The following EXOC5 variants were observed in gnomAD, a reference collection of about 807,000 sequenced individuals.
EXOC5 encodes the protein exocyst complex component 5.
EXOC5 carries 17 observed loss-of-function variants against 90.8 expected under a neutral mutation model. The ratio of observed to expected loss-of-function variants is 0.19; its 90% CI spans 0.13 to 0.28. The LOEUF (loss-of-function observed/expected upper bound fraction) is 0.28, where lower values mean the gene tolerates loss of function less well. EXOC5 is among the 10% of genes least tolerant of loss of function. The pLI, the probability that EXOC5 is intolerant of heterozygous loss-of-function variation, is 1.00. For missense variants in EXOC5, 569 were observed against 830.6 expected, an observed-to-expected ratio of 0.69 and a Z score of 3.87; for synonymous variants, 260 against 270.0, an observed-to-expected ratio of 0.96 and a Z score of 0.36.
At chr14:57,222,866 G>A (rs1371921580) in intron 12 of EXOC5, among the ~76,000 whole-genome samples, 1 of 151,652 alleles carries the variant, frequency 6.6e-6, no homozygotes, top group Non-Finnish European at 1.5e-5. Context: ...GGCCAAAGAG[G>A]TTTGAGAGCC....
chr14:57,264,452 T>C (rs752816307), intron 1 of EXOC5, among the ~76,000 whole-genome samples: 2 of 152,156 alleles, frequency 1.3e-5, no homozygotes, highest in African/African-American at 2.4e-5. Flanking sequence ...ATTGCTATCA[T>C]AGCCAAATTA....
chr14:57,232,379 T>TTA (rs1188945298), intron 10 of EXOC5: 4 of 201,726 alleles, frequency 2.0e-5, no homozygotes, highest in Non-Finnish European at 3.9e-5. Context: ...TTTGTTAAGA[T>TTA]TACATCACTT....
intron 3 of EXOC5, among the ~76,000 whole-genome samples, chr14:57,245,901 T>C (rs1430657136): frequency 1.3e-5 from 2 of 151,830 alleles, no homozygotes; most frequent in African/African-American, 4.8e-5. Flanking sequence ...TACAAAAAAA[T>C]TAGCTGGGTG....
Position 57,231,523 on chromosome 14 carries a change from T to C in EXOC5, c.1131A>G (p.Arg377=). 1 of 1,609,578 alleles carries C rather than the reference T, an allele frequency of 6.2e-7. No homozygotes were observed. Among genetic ancestry groups the C allele is most frequent in the Non-Finnish European group, 8.5e-7 (1 of 1,178,884 alleles). The change falls in exon 11 of 18, where the codon AGA becomes AGG. Residue 377 remains arginine, a synonymous_variant. Coordinates refer to ENST00000621441, the MANE Select transcript of EXOC5 (RefSeq NM_006544.4). ...RYYDSKNHQK[R]SIGTGGIQDL... ...ATACTCACCCTCCTGTGCCAATGGA[T>C]CTCTTTTGATGGTTTTTCGAATCAT...
At chr14:57,209,914 T>G (rs1240170095) in intron 16 of EXOC5, 39 bp downstream of exon 16, 1 of 1,243,012 alleles carries the variant, frequency 8.0e-7, no homozygotes. Context: ...CCAATGAAAA[T>G]GTTAACAAAG....
At chr14:57,253,452 G>A (rs988146713) in intron 1 of EXOC5, among the ~76,000 whole-genome samples, 2 of 152,136 alleles carry the variant, frequency 1.3e-5, no homozygotes, top group African/African-American at 4.8e-5. Flanking sequence ...TTGTTACAAC[G>A]TCAATACTAC....
intron 13 of EXOC5, among the ~76,000 whole-genome samples, 195 bp downstream of exon 13, chr14:57,222,113 T>C (rs550562310): frequency 3.2e-4 from 49 of 152,248 alleles, no homozygotes; most frequent in East Asian, 1.2e-3. Flanking sequence ...TTATGCCATA[T>C]GTAAACAATA....
chr14:57,220,208 C>T (rs1044979898), intron 13 of EXOC5, among the ~76,000 whole-genome samples: 2 of 151,382 alleles, frequency 1.3e-5, no homozygotes, highest in South Asian at 2.1e-4. Context: ...CCCTCCGCCC[C>T]CCCTGCCCCC....
chr14:57,246,606 G>C (rs1555329401), intron 3 of EXOC5, 105 bp downstream of exon 3: 1 of 951,812 alleles, frequency 1.1e-6, no homozygotes, highest in Non-Finnish European at 1.6e-6. Context: ...AAGAAATCTT[G>C]ACAGTTACTA....
intron 1 of EXOC5, among the ~76,000 whole-genome samples, chr14:57,248,912 G>A (rs1481092558): frequency 1.3e-5 from 2 of 152,008 alleles, no homozygotes; most frequent in Non-Finnish European, 2.9e-5. Flanking sequence ...CACTTCTGTC[G>A]AAACAAGAGT....
At chr14:57,257,507 A>G (rs1385462627) in intron 1 of EXOC5, among the ~76,000 whole-genome samples, 1 of 152,138 alleles carries the variant, frequency 6.6e-6, no homozygotes, top group African/African-American at 2.4e-5. Context: ...AAGAGCAGGA[A>G]AACAATCCAA....
rs767987923 is a variant in EXOC5 at position 57,210,065 on chromosome 14, G to A, written c.1614-4C>T. 1.4e-5 allele frequency: 19 copies of A among 1,365,426 alleles called. No homozygotes were observed. In the East Asian group the frequency reaches 3.9e-4, roughly 28 times the overall value. 84.6% of individuals were successfully genotyped at this position (1,365,426 alleles called of 1,614,324 possible). On this transcript the variant is annotated splice_region_variant and splice_polypyrimidine_tract_variant and intron_variant, in intron 15 of 17. Coordinates refer to ENST00000621441, the MANE Select transcript of EXOC5 (RefSeq NM_006544.4). ...TCCAATCATACAATTTAATGTCCTA[G>A]AGAATTGAGAATACAACATTCTTTA...
At chr14:57,229,525 T>C (rs927834578) in intron 12 of EXOC5, among the ~76,000 whole-genome samples, 1 of 152,136 alleles carries the variant, frequency 6.6e-6, no homozygotes, top group Non-Finnish European at 1.5e-5. Flanking sequence ...CACTAGGTAA[T>C]GTAATAATAT....
chr14:57,211,245 T>C (rs901620108), intron 15 of EXOC5, among the ~76,000 whole-genome samples: 1 of 152,218 alleles, frequency 6.6e-6, no homozygotes, highest in African/African-American at 2.4e-5. Context: ...TCACCTTGAT[T>C]TGGAACCATT....
chr14:57,244,961 A>C (rs1302408573), intron 3 of EXOC5, among the ~76,000 whole-genome samples: 1 of 151,326 alleles, frequency 6.6e-6, no homozygotes, highest in African/African-American at 2.4e-5. Flanking sequence ...GCACCACTGC[A>C]GTCCAGCCTA....
At chr14:57,227,945 TACACAC>T (rs60100460) in intron 12 of EXOC5, among the ~76,000 whole-genome samples, 30,698 of 145,950 alleles carry the variant, frequency 0.21, 7,273 homozygotes, top group African/African-American at 0.59. Context: ...CATATATATA[TACACAC>T]ACACACACAC....
At chr14:57,222,102 A>G (rs150389733) in intron 13 of EXOC5, among the ~76,000 whole-genome samples, 1 of 152,244 alleles carries the variant, frequency 6.6e-6, no homozygotes, top group African/African-American at 2.4e-5. Flanking sequence ...TTATTATTCT[A>G]TTATGCCATA....
At chr14:57,262,558 GTGTGTGTA>G (rs1293361135) in intron 1 of EXOC5, among the ~76,000 whole-genome samples, 15 of 147,070 alleles carry the variant, frequency 1.0e-4, no homozygotes, top group African/African-American at 3.8e-4. Flanking sequence ...GTGTGTGTGT[GTGTGTGTA>G]TATATATATA....
Position 57,202,071 on chromosome 14 carries a change from G to A in EXOC5, c.*6538C>T, listed in dbSNP as rs1882524990. 6.6e-6 allele frequency: 1 copy of A among 152,052 alleles called. No individual in the cohort carries two copies. Among genetic ancestry groups the A allele is most frequent in the African/African-American group, 2.4e-5 (1 of 41,406 alleles). The allele number at this position is 152,052 out of a possible 1,614,324, so 9.4% of individuals were successfully genotyped here. ...AATTGAAATTGTGTACTATGTGATA[G>A]GATGCAACAATAACACAGAGTTGCA... On this transcript the variant is annotated 3_prime_UTR_variant, in exon 18 of 18. Coordinates refer to ENST00000621441, the MANE Select transcript of EXOC5 (RefSeq NM_006544.4).
Sources: allele counts gnomAD v4.1 joint callset (sites outside exome capture counted in the v4.1 genomes callset), GRCh38; gene constraint gnomAD v4.1.1; transcripts MANE v1.5; gene names NCBI Gene and HGNC (gene_info 2026-07-23, HGNC 2026-07-21).